Variants in SH3RF3 observed in about 807,000 individuals in gnomAD.
The protein encoded by SH3RF3 is E3 ubiquitin-protein ligase SH3RF3.
Under a neutral mutation model 66.3 loss-of-function variants are expected in SH3RF3, and 29 were observed. That is an observed-to-expected ratio of 0.44 (90% CI 0.33 to 0.60). The LOEUF (loss-of-function observed/expected upper bound fraction) is 0.60, where lower values mean the gene tolerates loss of function less well. Among genes scored for constraint, SH3RF3 ranks in the 20% least tolerant of loss-of-function variants. SH3RF3 has a pLI of 0.04. For missense variants in SH3RF3, 1,194 were observed against 1,190.9 expected (o/e 1.00, Z -0.04); for synonymous variants, 583 against 532.0 (o/e 1.10, Z -1.32).
intron 1 of SH3RF3, among the ~76,000 whole-genome samples, chr2:109,227,986 T>A (rs570644558): frequency 6.6e-6 from 1 of 152,318 alleles, no homozygotes; most frequent in East Asian, 1.9e-4. Context: ...GGATTTACAT[T>A]TGCTGTGGGT....
chr2:109,230,890 TG>T (rs371603025), intron 1 of SH3RF3, among the ~76,000 whole-genome samples: 2 of 152,212 alleles, frequency 1.3e-5, no homozygotes, highest in African/African-American at 4.8e-5. Context: ...TTGGGGGCTT[TG>T]GGGGCTTCTC....
In SH3RF3 at chr2:109,308,199, T is replaced by C. The variant is rs1301369799; in HGVS notation, c.574-39475T>C. On this transcript the variant is annotated intron_variant, in intron 1 of 9. Coordinates refer to ENST00000309415, the MANE Select transcript of SH3RF3 (RefSeq NM_001099289.3). ...TGATGATGAGCATTTTTTCATGTGT[T>C]TTTTGGCTGCATAAATGTCTTCTTT... 9.8e-5 allele frequency among the ~76,000 whole-genome samples: 13 copies of C among 131,984 alleles called. 1 individual carries two copies. The highest frequency in any genetic ancestry group is 6.6e-4 in the Admixed American group (9 of 13,670). The allele number at this position is 131,984 out of a possible 152,430, so 86.6% of individuals were successfully genotyped here.
intron 4 of SH3RF3, 90 bp from the exon 5 acceptor site, chr2:109,419,449 C>T (rs528563737): frequency 7.6e-7 from 1 of 1,321,756 alleles, no homozygotes. Flanking sequence ...GAAGCACAGG[C>T]ACCTGTGGAT....
intron 1 of SH3RF3, among the ~76,000 whole-genome samples, chr2:109,245,757 T>C (rs1257956595): frequency 6.6e-6 from 1 of 152,234 alleles, no homozygotes; most frequent in Non-Finnish European, 1.5e-5. Flanking sequence ...TCATTTTTGC[T>C]ATAATTCCTG....
intron 1 of SH3RF3, among the ~76,000 whole-genome samples, chr2:109,269,891 G>T (rs891215441): frequency 6.6e-6 from 1 of 152,250 alleles, no homozygotes; most frequent in Non-Finnish European, 1.5e-5. Context: ...CTCAGTCCCA[G>T]TGTCCCCTCA....
At chr2:109,324,044 T>C (rs796788719) in intron 1 of SH3RF3, among the ~76,000 whole-genome samples, 1 of 152,378 alleles carries the variant, frequency 6.6e-6, no homozygotes, top group African/African-American at 2.4e-5. Flanking sequence ...GACATTTCTA[T>C]GAATGGAAGC....
intron 1 of SH3RF3, among the ~76,000 whole-genome samples, chr2:109,219,966 C>A (rs543734066): frequency 6.6e-6 from 1 of 152,196 alleles, no homozygotes; most frequent in East Asian, 1.9e-4. Context: ...CCCAAATAAC[C>A]AAAACAATCT....
At chr2:109,347,571 G>C in intron 1 of SH3RF3, 103 bp from the exon 2 acceptor site, 1 of 1,462,516 alleles carries the variant, frequency 6.8e-7, no homozygotes, top group Non-Finnish European at 9.2e-7. Flanking sequence ...GCACCCCCAG[G>C]ACACAGAAAG....
At chr2:109,326,842 G>T (rs1201129643) in intron 1 of SH3RF3, among the ~76,000 whole-genome samples, 1 of 152,198 alleles carries the variant, frequency 6.6e-6, no homozygotes. Flanking sequence ...GTATCCGTAG[G>T]TGCGCACAGC....
chr2:109,222,718 T>C (rs1169028117), intron 1 of SH3RF3, among the ~76,000 whole-genome samples: 1 of 152,228 alleles, frequency 6.6e-6, no homozygotes, highest in Non-Finnish European at 1.5e-5. Context: ...TGGCGTGGGC[T>C]CCTTTCTTCT....
At chr2:109,175,499 A>G (rs1677896472) in intron 1 of SH3RF3, among the ~76,000 whole-genome samples, 3 of 152,234 alleles carry the variant, frequency 2.0e-5, no homozygotes, top group Non-Finnish European at 4.4e-5. Context: ...TTACTCAACA[A>G]GTATTAACTG....
Position 109,475,550 on chromosome 2 carries a change from T to C in SH3RF3, c.2149-15055T>C, listed in dbSNP as rs370840123. Among the ~76,000 whole-genome samples, 209 of 152,312 alleles carry C rather than the reference T, an allele frequency of 1.4e-3. 1 individual carries two copies. The highest frequency in any genetic ancestry group is 4.9e-3 in the African/African-American group (205 of 41,584). ...TTGGCTGTGGGTGGGGACAGGGACATATGCCACAGAGGCTGACACCTGCCC... is the reference window on the plus strand; with the variant it reads ...TTGGCTGTGGGTGGGGACAGGGACACATGCCACAGAGGCTGACACCTGCCC... On this transcript the variant is annotated intron_variant, in intron 8 of 9. Coordinates refer to ENST00000309415, the MANE Select transcript of SH3RF3 (RefSeq NM_001099289.3).
At chr2:109,405,361 CA>C (rs1471625190) in intron 4 of SH3RF3, among the ~76,000 whole-genome samples, 1 of 152,200 alleles carries the variant, frequency 6.6e-6, no homozygotes, top group African/African-American at 2.4e-5. Flanking sequence ...TCTTCCCCAA[CA>C]CTGACTCCCT....
intron 5 of SH3RF3, among the ~76,000 whole-genome samples, chr2:109,425,726 CT>C (rs943852013): frequency 6.6e-6 from 1 of 151,742 alleles, no homozygotes; most frequent in Non-Finnish European, 1.5e-5. Flanking sequence ...TAAAATATTA[CT>C]GCTCATTGCC....
chr2:109,178,768 G>T (rs1677991614), intron 1 of SH3RF3, among the ~76,000 whole-genome samples: 2 of 152,204 alleles, frequency 1.3e-5, no homozygotes, highest in South Asian at 4.1e-4. Flanking sequence ...CTGCTTATTA[G>T]ATTTCGTAGG....
intron 1 of SH3RF3, among the ~76,000 whole-genome samples, chr2:109,341,586 C>T (rs1270958105): frequency 6.6e-6 from 1 of 152,174 alleles, no homozygotes; most frequent in African/African-American, 2.4e-5. Flanking sequence ...AATGTGTTGG[C>T]TCAGATAAGA....
chr2:109,306,000 C>T (rs960365653), intron 1 of SH3RF3, among the ~76,000 whole-genome samples: 1 of 152,230 alleles, frequency 6.6e-6, no homozygotes, highest in Non-Finnish European at 1.5e-5. Flanking sequence ...CTGGGCATTA[C>T]AGAGCTACAG....
At chr2:109,408,671 A>G (rs955668806) in intron 4 of SH3RF3, among the ~76,000 whole-genome samples, 1 of 152,254 alleles carries the variant, frequency 6.6e-6, no homozygotes, top group Admixed American at 6.5e-5. Flanking sequence ...AAGGATGGAT[A>G]GACGGACACA....
At chr2:109,288,923 T>C (rs1681100223) in intron 1 of SH3RF3, among the ~76,000 whole-genome samples, 1 of 152,240 alleles carries the variant, frequency 6.6e-6, no homozygotes, top group African/African-American at 2.4e-5. Context: ...GATTGCATCT[T>C]GACTCCAACC....
Sources: allele counts gnomAD v4.1 joint callset (sites outside exome capture counted in the v4.1 genomes callset), GRCh38; gene constraint gnomAD v4.1.1; transcripts MANE v1.5; gene names NCBI Gene and HGNC (gene_info 2026-07-23, HGNC 2026-07-21).